Variants in STXBP5L observed in about 807,000 individuals in gnomAD.
STXBP5L encodes the protein syntaxin binding protein 5L, also known as syntaxin-binding protein 5-like.
A neutral mutation model predicts 144.5 loss-of-function variants in STXBP5L; 65 were observed. That is an observed-to-expected ratio of 0.45 (90% CI 0.37 to 0.55). The LOEUF (loss-of-function observed/expected upper bound fraction) is 0.55. Among genes scored for constraint, STXBP5L ranks in the 20% least tolerant of loss-of-function variants. The pLI is 0.00. For synonymous variants in STXBP5L, 505 were observed against 469.6 expected (o/e 1.08, Z -0.97); for missense variants, 1,298 against 1,405.5 (o/e 0.92, Z 1.22).
chr3:121,150,261 G>A (rs1408808738), intron 7 of STXBP5L, among the ~76,000 whole-genome samples: 2 of 151,882 alleles, frequency 1.3e-5, no homozygotes, highest in Non-Finnish European at 2.9e-5. Context: ...TTGCCTTTAT[G>A]GTACTTGCTT....
chr3:121,178,534 T>C (rs772649721), intron 9 of STXBP5L, among the ~76,000 whole-genome samples: 1 of 152,172 alleles, frequency 6.6e-6, no homozygotes, highest in Non-Finnish European at 1.5e-5. Flanking sequence ...AAATAAATGA[T>C]CTTCTACTGG....
At chr3:121,205,879 A>G (rs780833097) in intron 9 of STXBP5L, 44 bp from the exon 10 acceptor site, 22 of 1,038,816 alleles carry the variant, frequency 2.1e-5, no homozygotes, top group Middle Eastern at 6.4e-4. Context: ...CTTACAGATG[A>G]ATATAATTTA....
intron 22 of STXBP5L, among the ~76,000 whole-genome samples, chr3:121,381,765 A>G (rs1465484016): frequency 6.6e-6 from 1 of 152,102 alleles, no homozygotes; most frequent in East Asian, 1.9e-4. Context: ...GTAAGTGCCA[A>G]CCTGAACAAT....
chr3:121,200,644 A>G (rs748909531), intron 9 of STXBP5L, among the ~76,000 whole-genome samples: 43 of 151,924 alleles, frequency 2.8e-4, no homozygotes, highest in Non-Finnish European at 4.4e-4. Flanking sequence ...CTTAACACTG[A>G]TTTAGCTGTG....
chr3:121,293,877 A>C (rs1296867663), intron 19 of STXBP5L, among the ~76,000 whole-genome samples: 1 of 152,198 alleles, frequency 6.6e-6, no homozygotes, highest in African/African-American at 2.4e-5. Flanking sequence ...GTAAATAAAT[A>C]AATAAAATAG....
intron 3 of STXBP5L, among the ~76,000 whole-genome samples, chr3:121,023,139 C>T (rs534412366): frequency 3.3e-5 from 5 of 150,320 alleles, no homozygotes; most frequent in Admixed American, 2.0e-4. Context: ...AAGCTCAATT[C>T]CTTTGACAAT....
intron 20 of STXBP5L, among the ~76,000 whole-genome samples, chr3:121,359,474 T>C (rs1219960515): frequency 6.6e-6 from 1 of 152,158 alleles, no homozygotes; most frequent in African/African-American, 2.4e-5. Context: ...ATCTCATTTG[T>C]TCATGTTTGC....
At chr3:121,074,292 A>G (rs2041930616) in intron 5 of STXBP5L, among the ~76,000 whole-genome samples, 1 of 152,184 alleles carries the variant, frequency 6.6e-6, no homozygotes, top group African/African-American at 2.4e-5. Context: ...TCACCCAAGC[A>G]TTGTATATGG....
chr3:121,343,918 C>CA (rs1319046088), intron 20 of STXBP5L, among the ~76,000 whole-genome samples: 3 of 151,428 alleles, frequency 2.0e-5, no homozygotes, highest in Non-Finnish European at 4.4e-5. Flanking sequence ...CATATGGAAC[C>CA]AAAAAAGAGC....
chr3:121,050,959 A>C (rs1947931226), intron 5 of STXBP5L, among the ~76,000 whole-genome samples: 1 of 152,216 alleles, frequency 6.6e-6, no homozygotes, highest in Non-Finnish European at 1.5e-5. Context: ...AACAGACTTT[A>C]AACCAACAAA....
chr3:121,356,199 G>T (rs920081822), intron 20 of STXBP5L, among the ~76,000 whole-genome samples: 3 of 152,246 alleles, frequency 2.0e-5, no homozygotes, highest in African/African-American at 4.8e-5. Context: ...CAAACGCCGT[G>T]CTGGGAGAAA....
At chr3:121,359,324 T>G (rs1382171987) in intron 20 of STXBP5L, among the ~76,000 whole-genome samples, 2 of 152,172 alleles carry the variant, frequency 1.3e-5, no homozygotes, top group African/African-American at 4.8e-5. Context: ...CATATAGAGT[T>G]GTTTTGAGCT....
At chr3:121,267,800 GA>G (rs1262964221) in intron 18 of STXBP5L, among the ~76,000 whole-genome samples, 3 of 152,122 alleles carry the variant, frequency 2.0e-5, no homozygotes, top group East Asian at 1.9e-4. Context: ...ACAAATATAT[GA>G]AAAAAAGCTC....
rs1576761852 is a variant in STXBP5L at position 121,045,342 on chromosome 3, G to A, written c.370-93G>A. ...CTGAGATAACAAAAGTAACTCTTCA[G>A]GTAGTAAACATTGAGTAAATTAGCT... On this transcript the variant is annotated intron_variant, in intron 4 of 26. Transcript: ENST00000471454. The A allele has an allele frequency of 3.7e-6, 4 of 1,093,056 alleles. No homozygotes were observed. The East Asian group carries it at 1.0e-4, about 28-fold the overall frequency. 67.7% of individuals were successfully genotyped at this position (1,093,056 alleles called of 1,614,324 possible). A position where few individuals can be genotyped will look rare whatever the true frequency, so the allele number is the denominator to read the frequency against.
chr3:121,090,885 G>C (rs1339949770), intron 5 of STXBP5L, among the ~76,000 whole-genome samples: 1 of 151,366 alleles, frequency 6.6e-6, no homozygotes, highest in Admixed American at 6.6e-5. Flanking sequence ...CCACTAACGT[G>C]TCATCTAGCA....
chr3:120,959,013 C>T (rs1320861876), intron 3 of STXBP5L, among the ~76,000 whole-genome samples: 3 of 152,204 alleles, frequency 2.0e-5, no homozygotes, highest in East Asian at 1.9e-4. Context: ...TCCCCATCAT[C>T]TCAGCCCAAA....
At chr3:121,096,135 T>G (rs561885999) in intron 5 of STXBP5L, among the ~76,000 whole-genome samples, 2 of 152,160 alleles carry the variant, frequency 1.3e-5, no homozygotes, top group Non-Finnish European at 2.9e-5. Flanking sequence ...CAATCCCCAG[T>G]GAGATGAACC....
In STXBP5L at chr3:121,233,608, A is replaced by G. The variant is rs374398355; in HGVS notation, c.1112-8A>G. ...TGAAAACTTTTCATTTTTTATTTTT[A>G]CTTGTAGAATTTCAAGAACCCTATG... On this transcript the variant is annotated splice_region_variant and splice_polypyrimidine_tract_variant and intron_variant, in intron 11 of 26. Transcript: ENST00000471454. 19 of 1,603,560 alleles carry G rather than the reference A, an allele frequency of 1.2e-5. No individual in the cohort carries two copies. In the African/African-American group the frequency reaches 2.6e-4, roughly 22 times the overall value.
At chr3:121,369,599 T>C (rs894483719) in intron 20 of STXBP5L, among the ~76,000 whole-genome samples, 1 of 152,100 alleles carries the variant, frequency 6.6e-6, no homozygotes, top group Non-Finnish European at 1.5e-5. Flanking sequence ...TCATGTTCCT[T>C]GAAGTCTGCA....
Sources: gnomAD v4.1 joint callset for allele counts (sites outside exome capture counted in the v4.1 genomes callset) on GRCh38, gnomAD v4.1.1 for gene constraint, MANE v1.5 for transcripts, NCBI Gene and HGNC (gene_info 2026-07-23, HGNC 2026-07-21) for gene names.